The following ACACA variants were observed in gnomAD, a reference collection of about 807,000 sequenced individuals.
The protein encoded by ACACA is acetyl-CoA carboxylase alpha.
ACACA carries 103 observed loss-of-function variants against 296.1 expected under a neutral mutation model. That is an observed-to-expected ratio of 0.35 (90% confidence interval 0.30 to 0.41). ACACA has a LOEUF of 0.41. ACACA is among the 10% of genes least tolerant of loss of function. The pLI is 1.00. For missense variants in ACACA, 1,554 were observed against 2,989.7 expected, an observed-to-expected ratio of 0.52 and a Z score of 11.20; for synonymous variants, 953 against 1,038.6, an observed-to-expected ratio of 0.92 and a Z score of 1.58.
intron 1 of ACACA, among the ~76,000 whole-genome samples, chr17:37,402,987 AC>A (rs1364976704): frequency 5.3e-5 from 8 of 152,106 alleles, no homozygotes; most frequent in African/African-American, 1.9e-4. Flanking sequence ...CTTCATTTTT[AC>A]TTTTGCCTTT....
At chr17:37,248,497 C>A in intron 17 of ACACA, 96 bp downstream of exon 17, 1 of 909,868 alleles carries the variant, frequency 1.1e-6, no homozygotes, top group Non-Finnish European at 1.8e-6. Flanking sequence ...CTAATACCCC[C>A]ATCCCTGCAT....
At chr17:37,091,760 G>GA (rs1313721675) in intron 54 of ACACA, among the ~76,000 whole-genome samples, 1 of 151,734 alleles carries the variant, frequency 6.6e-6, no homozygotes, top group Non-Finnish European at 1.5e-5. Context: ...TTTTTTGGTA[G>GA]AAACAGGGTC....
intron 49 of ACACA, 65 bp downstream of exon 49, chr17:37,122,466 T>G: frequency 7.8e-7 from 1 of 1,275,404 alleles, no homozygotes; most frequent in Admixed American, 1.7e-5. Context: ...TCCTGATGTA[T>G]TCACAGGCAC....
intron 45 of ACACA, among the ~76,000 whole-genome samples, chr17:37,136,964 C>CA (rs1027308563): frequency 3.3e-5 from 5 of 149,440 alleles, no homozygotes; most frequent in African/African-American, 9.7e-5. Flanking sequence ...AAGCAAAAAA[C>CA]AAAAAACAAA....
At chr17:37,121,278 T>A (rs575594270) in intron 50 of ACACA, 77 bp downstream of exon 50, 2 of 1,593,876 alleles carry the variant, frequency 1.3e-6, no homozygotes, top group South Asian at 2.2e-5. Flanking sequence ...CAGATTCTGC[T>A]GAATCTATAC....
At chr17:37,265,966 T>C (rs1222512942) in intron 10 of ACACA, among the ~76,000 whole-genome samples, 1 of 152,180 alleles carries the variant, frequency 6.6e-6, no homozygotes, top group Admixed American at 6.5e-5. Context: ...AGTCCCTTGG[T>C]GCATTCATCA....
At chr17:37,334,808 C>A (rs2048039141) in intron 2 of ACACA, among the ~76,000 whole-genome samples, 1 of 152,094 alleles carries the variant, frequency 6.6e-6, no homozygotes, top group Admixed American at 6.6e-5. Flanking sequence ...ATGGAGAATG[C>A]AGCGTCCCGG....
At chr17:37,346,081 AG>A (rs1351093861) in intron 1 of ACACA, among the ~76,000 whole-genome samples, 1 of 152,120 alleles carries the variant, frequency 6.6e-6, no homozygotes, top group Non-Finnish European at 1.5e-5. Flanking sequence ...CTATCTCTAG[AG>A]GAAAAAAAAC....
chr17:37,202,686 T>TATATAC, intron 33 of ACACA, among the ~76,000 whole-genome samples: 1 of 72,372 alleles, frequency 1.4e-5, no homozygotes, highest in East Asian at 4.3e-4. Flanking sequence ...TATATATATA[T>TATATAC]ATATATATAT....
chr17:37,373,529 A>ATCCC (rs58515153), intron 1 of ACACA, among the ~76,000 whole-genome samples: 3,197 of 152,304 alleles, frequency 0.021, 92 homozygotes, highest in East Asian at 0.19. Context: ...TACAGGTGTG[A>ATCCC]ACTACCGTGC....
Position 37,406,647 on chromosome 17 carries a change from C to T in ACACA, c.-348G>A. On this transcript the variant is annotated 5_prime_UTR_variant, in exon 1 of 56. Transcript: ENST00000616317. ...GCGCCAGGAAGCCTCAGGCAACGGG[C>T]CACGCGCCACACGGGCAAAGTGATT... is the stretch of plus-strand genomic sequence containing the variant. The T allele has an allele frequency of 2.1e-6, 1 of 486,914 alleles. No individual in the cohort carries two copies. Among genetic ancestry groups the T allele is most frequent in the Non-Finnish European group, 3.7e-6 (1 of 267,580 alleles). The allele number at this position is 486,914 out of a possible 1,614,324, so 30.2% of individuals were successfully genotyped here.
intron 52 of ACACA, among the ~76,000 whole-genome samples, chr17:37,103,584 G>C (rs2073487927): frequency 6.6e-6 from 1 of 152,176 alleles, no homozygotes; most frequent in African/African-American, 2.4e-5. Context: ...ATGGCTGAGT[G>C]GGAGTAAAAA....
chr17:37,215,001 C>T (rs112485897), intron 29 of ACACA, among the ~76,000 whole-genome samples: 2 of 152,178 alleles, frequency 1.3e-5, no homozygotes, highest in Non-Finnish European at 2.9e-5. Context: ...CTCCTGATTT[C>T]TAACCTTCCT....
intron 45 of ACACA, among the ~76,000 whole-genome samples, chr17:37,145,888 T>A (rs777743751): frequency 1.3e-5 from 2 of 152,190 alleles, no homozygotes; most frequent in Non-Finnish European, 2.9e-5. Flanking sequence ...ATATTTTGAA[T>A]ATTTTACAAA....
intron 10 of ACACA, among the ~76,000 whole-genome samples, chr17:37,268,077 T>G (rs2081875599): frequency 6.6e-6 from 1 of 152,200 alleles, no homozygotes; most frequent in Non-Finnish European, 1.5e-5. Context: ...ACCAAAATTC[T>G]CAATCTTGCC....
At chr17:37,398,184 C>T (rs375387913) in intron 1 of ACACA, among the ~76,000 whole-genome samples, 23 of 141,800 alleles carry the variant, frequency 1.6e-4, no homozygotes, top group African/African-American at 5.3e-4. Flanking sequence ...GAGCCGAGAT[C>T]GCACCACTGC....
At chr17:37,207,848 A>C in intron 30 of ACACA, 48 bp from the exon 31 acceptor site, 3 of 1,600,620 alleles carry the variant, frequency 1.9e-6, no homozygotes, top group Non-Finnish European at 2.6e-6. Context: ...GGTAGGAGCA[A>C]GGACTGGGAA....
At chr17:37,233,994 G>A (rs1442856679) in intron 25 of ACACA, among the ~76,000 whole-genome samples, 1 of 152,132 alleles carries the variant, frequency 6.6e-6, no homozygotes, top group Non-Finnish European at 1.5e-5. Flanking sequence ...CTGAATGAGT[G>A]GCACTCTTGT....
intron 2 of ACACA, among the ~76,000 whole-genome samples, chr17:37,332,226 A>T (rs1217843509): frequency 6.6e-6 from 1 of 151,870 alleles, no homozygotes; most frequent in Admixed American, 6.6e-5. Flanking sequence ...AATTTAAAAA[A>T]AAAAAAGAAA....
Sources: gnomAD v4.1 joint callset for allele counts (sites outside exome capture counted in the v4.1 genomes callset) on GRCh38, gnomAD v4.1.1 for gene constraint, MANE v1.5 for transcripts, NCBI Gene and HGNC (gene_info 2026-07-23, HGNC 2026-07-21) for gene names.